Variants in SLC10A7 observed in about 807,000 individuals in gnomAD.
The protein encoded by SLC10A7 is sodium/bile acid cotransporter 7.
SLC10A7 carries 29 observed loss-of-function variants against 43.2 expected under a neutral mutation model. That is an observed-to-expected ratio of 0.67 (90% confidence interval 0.50 to 0.92). SLC10A7 has a LOEUF of 0.92. SLC10A7 is among the 40% of genes least tolerant of loss of function. The pLI is 0.00. For synonymous variants in SLC10A7, 152 were observed against 144.8 expected (o/e 1.05, Z -0.35); for missense variants, 295 against 403.2 (o/e 0.73, Z 2.30).
At chr4:146,393,431 C>A (rs968706675) in intron 5 of SLC10A7, among the ~76,000 whole-genome samples, 1 of 152,086 alleles carries the variant, frequency 6.6e-6, no homozygotes, top group African/African-American at 2.4e-5. Flanking sequence ...GGTAGTCCTT[C>A]TACTACATTA....
At chr4:146,306,449 C>T (rs980768085) in intron 6 of SLC10A7, among the ~76,000 whole-genome samples, 3 of 152,072 alleles carry the variant, frequency 2.0e-5, no homozygotes, top group African/African-American at 7.2e-5. Flanking sequence ...CTGACTCCTT[C>T]AAAACAAATA....
At chr4:146,400,226 T>C (rs1364799103) in intron 5 of SLC10A7, among the ~76,000 whole-genome samples, 1 of 152,102 alleles carries the variant, frequency 6.6e-6, no homozygotes, top group African/African-American at 2.4e-5. Context: ...AAATCACCAC[T>C]GGATTTGGAA....
rs181200986 is a variant in SLC10A7 at position 146,515,513 on chromosome 4, A to C, written c.183+1525T>G. On this transcript the variant is annotated intron_variant, in intron 2 of 11. Transcript: ENST00000335472. ...ATACTAGGAAATCTCATCCCATGTCAGTTATTTTCAGAAAAGCAGGTAATC... is the reference window on the plus strand; with the variant it reads ...ATACTAGGAAATCTCATCCCATGTCCGTTATTTTCAGAAAAGCAGGTAATC... Among the ~76,000 whole-genome samples the C allele has an allele frequency of 2.6e-3, 402 of 152,332 alleles. 4 individuals carry two copies. Among genetic ancestry groups the C allele is most frequent in the African/African-American group, 9.5e-3 (393 of 41,568 alleles).
intron 5 of SLC10A7, among the ~76,000 whole-genome samples, chr4:146,336,615 T>C (rs1298494566): frequency 2.6e-5 from 4 of 152,160 alleles, no homozygotes; most frequent in South Asian, 2.1e-4. Flanking sequence ...ATGATGTAAT[T>C]TGTCTGGGCC....
At chr4:146,295,678 C>T (rs1215326488) in intron 7 of SLC10A7, among the ~76,000 whole-genome samples, 2 of 152,042 alleles carry the variant, frequency 1.3e-5, no homozygotes, top group East Asian at 1.9e-4. Context: ...TGGAAGGCCA[C>T]AGAGGGACTT....
chr4:146,519,749 C>T (rs979454702), intron 1 of SLC10A7, among the ~76,000 whole-genome samples: 7 of 152,080 alleles, frequency 4.6e-5, no homozygotes, highest in Admixed American at 1.3e-4. Flanking sequence ...GTTCCTCTTC[C>T]CTAAGCTAGC....
At position 146,517,927 on chromosome 4, in the gene SLC10A7, T is replaced by A. The variant is rs79444945; in HGVS notation, c.101-807A>T. On this transcript the variant is annotated intron_variant, in intron 1 of 11. Transcript: ENST00000335472. ...ACAAATACTTATTGAGCACTTGCTA[T>A]GTGAATAAGATAATGCATATAAAGT... Among the ~76,000 whole-genome samples, 192 of 152,320 alleles carry A rather than the reference T, an allele frequency of 1.3e-3. 2 individuals carry two copies. The South Asian group carries it at 0.025, about 20-fold the overall frequency.
chr4:146,314,341 C>T (rs1334739262), intron 6 of SLC10A7, among the ~76,000 whole-genome samples: 1 of 152,118 alleles, frequency 6.6e-6, no homozygotes, highest in Admixed American at 6.5e-5. Context: ...ATTGGAGAGA[C>T]AGTCAGATCA....
intron 4 of SLC10A7, among the ~76,000 whole-genome samples, chr4:146,446,511 G>A (rs1731092077): frequency 6.6e-6 from 1 of 151,386 alleles, no homozygotes; most frequent in Non-Finnish European, 1.5e-5. Flanking sequence ...AGGAGGTGGA[G>A]GTTGCAGTGA....
intron 5 of SLC10A7, among the ~76,000 whole-genome samples, chr4:146,405,558 C>A (rs116102289): frequency 6.6e-6 from 1 of 152,212 alleles, no homozygotes; most frequent in African/African-American, 2.4e-5. Flanking sequence ...ATTATTTAAA[C>A]ACACACATCT....
At chr4:146,273,401 T>G (rs554000481) in intron 10 of SLC10A7, among the ~76,000 whole-genome samples, 2 of 152,134 alleles carry the variant, frequency 1.3e-5, no homozygotes, top group Non-Finnish European at 2.9e-5. Flanking sequence ...ATTAGAGACC[T>G]GAGTTTAAAT....
intron 5 of SLC10A7, among the ~76,000 whole-genome samples, chr4:146,387,539 C>T (rs2149798803): frequency 6.6e-6 from 1 of 152,166 alleles, no homozygotes; most frequent in African/African-American, 2.4e-5. Flanking sequence ...ACAAGGATGC[C>T]CACTTTTACC....
chr4:146,325,353 G>A (rs139018114), intron 6 of SLC10A7, among the ~76,000 whole-genome samples: 1 of 152,280 alleles, frequency 6.6e-6, no homozygotes, highest in Non-Finnish European at 1.5e-5. Context: ...AGTGCCAAAA[G>A]AAATAAGACA....
At chr4:146,305,851 C>T in intron 7 of SLC10A7, 75 bp downstream of exon 7, 1 of 1,293,812 alleles carries the variant, frequency 7.7e-7, no homozygotes, top group Non-Finnish European at 1.1e-6. Flanking sequence ...TCCTTTCTCT[C>T]AACTGCTCTG....
chr4:146,370,963 G>T (rs1460118002), intron 5 of SLC10A7, among the ~76,000 whole-genome samples: 2 of 152,156 alleles, frequency 1.3e-5, no homozygotes, highest in Non-Finnish European at 2.9e-5. Context: ...TGTGTGCTTA[G>T]CAGCACCATA....
chr4:146,282,177 G>A (rs1322742844), intron 10 of SLC10A7, among the ~76,000 whole-genome samples: 1 of 152,092 alleles, frequency 6.6e-6, no homozygotes, highest in Non-Finnish European at 1.5e-5. Context: ...ATAGAGCAGT[G>A]CATAGACTAT....
At chr4:146,402,974 T>G (rs77746548) in intron 5 of SLC10A7, among the ~76,000 whole-genome samples, 1 of 152,126 alleles carries the variant, frequency 6.6e-6, no homozygotes, top group African/African-American at 2.4e-5. Context: ...TTGCAAAAAT[T>G]TTCTAACTTT....
chr4:146,256,328 C>T lies in SLC10A7; in HGVS notation c.*163G>A, dbSNP rs1237540370. The stretch of plus-strand genomic sequence containing the variant: ...AACAAAGCATATTTTGGAAATAACG[C>T]TCTTGTCAAATACATTTTAAGGCAC... On this transcript the variant is annotated 3_prime_UTR_variant, in exon 12 of 12. Transcript: ENST00000335472. 2 of 655,838 alleles carry T rather than the reference C, an allele frequency of 3.0e-6. No individual in the cohort carries two copies. Among genetic ancestry groups the T allele is most frequent in the Non-Finnish European group, 5.2e-6 (2 of 381,226 alleles). 40.6% of individuals were successfully genotyped at this position (655,838 alleles called of 1,614,324 possible).
intron 5 of SLC10A7, among the ~76,000 whole-genome samples, chr4:146,337,107 A>AT (rs1199900830): frequency 6.6e-6 from 1 of 152,030 alleles, no homozygotes; most frequent in Non-Finnish European, 1.5e-5. Flanking sequence ...TTTCCAAAAG[A>AT]TTTTCATGTA....
Sources: gnomAD v4.1 joint callset for allele counts (sites outside exome capture counted in the v4.1 genomes callset) on GRCh38, gnomAD v4.1.1 for gene constraint, MANE v1.5 for transcripts, NCBI Gene and HGNC (gene_info 2026-07-23, HGNC 2026-07-21) for gene names.